TMEM64: variants seen among roughly 807,000 people sequenced by gnomAD.
TMEM64 encodes the protein transmembrane protein 64.
A neutral mutation model predicts 24.5 loss-of-function variants in TMEM64; 19 were observed. The ratio of observed to expected loss-of-function variants is 0.78; its 90% CI spans 0.54 to 1.14. The LOEUF (loss-of-function observed/expected upper bound fraction) is 1.14. TMEM64 is among the 50% of genes most tolerant of loss of function. TMEM64 has a pLI of 0.00. For synonymous variants in TMEM64, 262 were observed against 224.7 expected (o/e 1.17, Z -1.49); for missense variants, 487 against 493.0 (o/e 0.99, Z 0.12).
chr8:90,630,082 T>C (rs898978518), intron 2 of TMEM64, among the ~76,000 whole-genome samples: 1 of 152,096 alleles, frequency 6.6e-6, no homozygotes, highest in African/African-American at 2.4e-5. Context: ...ATTTCATTAG[T>C]ATTATTTGCT....
In TMEM64 at chr8:90,645,732, T is replaced by TGCTGCC; in HGVS notation, c.168_173dup (p.Ala60_Ala61dup). On this transcript the variant is annotated inframe_insertion, in exon 1 of 3. Coordinates refer to ENST00000458549, the MANE Select transcript of TMEM64 (RefSeq NM_001008495.4). The surrounding 1 kb of genome is among the most constrained non-coding windows in gnomAD (Gnocchi z 4.2). The stretch of plus-strand genomic sequence containing the variant: ...CGAGCAGGGCGCCCGAGGCCGCCGC[T>TGCTGCC]GCTGCCGCCGCCGCGCTCGCCCCGC... The TGCTGCC allele has an allele frequency of 8.6e-7, 1 of 1,157,544 alleles. No homozygotes were observed. The allele number at this position is 1,157,544 out of a possible 1,614,324, so 71.7% of individuals were successfully genotyped here.
At chr8:90,637,425 C>A (rs1809541106) in intron 1 of TMEM64, among the ~76,000 whole-genome samples, 1 of 152,066 alleles carries the variant, frequency 6.6e-6, no homozygotes, top group Non-Finnish European at 1.5e-5. Context: ...ATAAAGGTGA[C>A]CAGTATTCAG....
At chr8:90,640,950 G>A (rs369808941) in intron 1 of TMEM64, among the ~76,000 whole-genome samples, 199 of 152,248 alleles carry the variant, frequency 1.3e-3, no homozygotes, top group African/African-American at 4.7e-3. Flanking sequence ...GTGAGCCAGG[G>A]TGATGGGTAA....
At chr8:90,634,407 C>T (rs771616340) in intron 1 of TMEM64, among the ~76,000 whole-genome samples, 4 of 152,118 alleles carry the variant, frequency 2.6e-5, no homozygotes, top group South Asian at 2.1e-4. Context: ...CCAGTTAATA[C>T]GTGGCAAGGA....
At chr8:90,631,772 T>C in intron 1 of TMEM64, 65 bp from the exon 2 acceptor site, 1 of 1,435,920 alleles carries the variant, frequency 7.0e-7, no homozygotes, top group South Asian at 1.3e-5. Flanking sequence ...CATAAAAAAA[T>C]GTGTGTATTA....
intron 1 of TMEM64, among the ~76,000 whole-genome samples, chr8:90,640,420 A>C (rs939612101): frequency 6.6e-6 from 1 of 152,226 alleles, no homozygotes; most frequent in Non-Finnish European, 1.5e-5. Context: ...AAACTGTTAA[A>C]AAATAAAAGG....
In TMEM64 at chr8:90,623,354, G is replaced by C. The variant is rs1223613426; in HGVS notation, c.*2317C>G. ...AAATCTGGGATGCAGGATTAAAAAT[G>C]GAGTAAATAAGGCATGACAATGCTT... On this transcript the variant is annotated 3_prime_UTR_variant, in exon 3 of 3. Transcript: ENST00000458549. The C allele has an allele frequency of 6.6e-6, 1 of 152,124 alleles. No individual in the cohort carries two copies. Among genetic ancestry groups the C allele is most frequent in the Non-Finnish European group, 1.5e-5 (1 of 67,964 alleles). The allele number at this position is 152,124 out of a possible 1,614,324, so 9.4% of individuals were successfully genotyped here. A position where few individuals can be genotyped will look rare whatever the true frequency, so the allele number is the denominator to read the frequency against.
chr8:90,630,936 T>C (rs2130498739), intron 2 of TMEM64, among the ~76,000 whole-genome samples: 1 of 152,356 alleles, frequency 6.6e-6, no homozygotes, highest in East Asian at 1.9e-4. Flanking sequence ...AGTGTTTTTC[T>C]CTTTCATCAA....
rs1482029301 is a variant in TMEM64, at chr8:90,645,629, C to T, written c.277G>A (p.Gly93Arg). The change falls in exon 1 of 3, where the codon GGG becomes AGG. Residue 93 changes from glycine (G) to arginine (R), a missense_variant. By Grantham distance (125) the Gly-to-Arg change is moderately radical. Coordinates refer to ENST00000458549, the MANE Select transcript of TMEM64 (RefSeq NM_001008495.4). This position sits in a 1 kb window ranked among gnomAD's most constrained non-coding sequence, Gnocchi z 4.2. ...ACCACCACGCCGCCGCCGCCACTCC[C>T]GGGGCCGCCCGCCAAGGCCCCGCCC... ...EPGGALAGGP[G>R]SGGGGVVVGV... The T allele has an allele frequency of 6.5e-7, 1 of 1,534,108 alleles. No homozygotes were observed. Among genetic ancestry groups the T allele is most frequent in the East Asian group, 2.5e-5 (1 of 40,796 alleles).
In TMEM64 at chr8:90,631,619, G is replaced by A; in HGVS notation, c.884C>T (p.Thr295Ile). The A allele has an allele frequency of 6.2e-7, 1 of 1,613,774 alleles. No homozygotes were observed. ...AATGACATCTTCCATTGTCCGCAGG[G>A]TGGTACCCAAGTAAGAATTCAGAAG... Reference protein sequence around the residue: ...TQLLNSYLGTTLRTMEDVIAE... With the variant: ...TQLLNSYLGTILRTMEDVIAE... The change falls in exon 2 of 3, where the codon ACC becomes ATC. Residue 295 changes from threonine to isoleucine, a missense_variant. By Grantham distance (89) the Thr-to-Ile change is moderately conservative. Around this residue, in one of 3 missense-constraint regions of TMEM64, gnomAD observed 419 missense variants for 407.5 expected, o/e 1.03. Coordinates refer to ENST00000458549, the MANE Select transcript of TMEM64 (RefSeq NM_001008495.4).
intron 1 of TMEM64, among the ~76,000 whole-genome samples, chr8:90,640,982 C>G (rs1397438262): frequency 6.6e-6 from 1 of 152,186 alleles, no homozygotes; most frequent in Non-Finnish European, 1.5e-5. Context: ...TTAAAATTTA[C>G]TCATTTCTAT....
chr8:90,643,980 T>A (rs4339599), intron 1 of TMEM64, among the ~76,000 whole-genome samples: 26,116 of 152,226 alleles, frequency 0.17, 4,762 homozygotes, highest in African/African-American at 0.46. Flanking sequence ...GATTGGTTAG[T>A]ATTATTCCTA....
intron 1 of TMEM64, among the ~76,000 whole-genome samples, chr8:90,637,195 C>G (rs1269118768): frequency 6.6e-6 from 1 of 152,180 alleles, no homozygotes; most frequent in African/African-American, 2.4e-5. Context: ...ATTTCTGGAG[C>G]TGACAACAGA....
In TMEM64 at chr8:90,625,825, T is replaced by C. The variant is rs778994758; in HGVS notation, c.989A>G (p.His330Arg). 2 of 1,613,648 alleles carry C rather than the reference T, an allele frequency of 1.2e-6. No homozygotes were observed. The highest frequency in any genetic ancestry group is 2.2e-5 in the South Asian group (2 of 91,056). The change falls in exon 3 of 3, where the codon CAT becomes CGT. Residue 330 changes from histidine (H) to arginine (R), a missense_variant. His to Arg is a conservative substitution (Grantham distance 29, BLOSUM62 0). Coordinates refer to ENST00000458549, the MANE Select transcript of TMEM64 (RefSeq NM_001008495.4). ...TGCATTCAATTCCACTTGAGCTCGATGAACTACATAAAACATGAGGCCTAT... is the reference window on the plus strand; with the variant it reads ...TGCATTCAATTCCACTTGAGCTCGACGAACTACATAAAACATGAGGCCTAT... The part of the protein sequence containing the change: ...ISIGLMFYVV[H>R]RAQVELNAAI...
intron 1 of TMEM64, among the ~76,000 whole-genome samples, chr8:90,634,435 A>C (rs1004600249): frequency 2.9e-4 from 44 of 152,224 alleles, no homozygotes; most frequent in Non-Finnish European, 4.4e-5. Flanking sequence ...ATTCTATTCA[A>C]ACTCCTTCTT....
At position 90,624,648 on chromosome 8, in the gene TMEM64, T is replaced by C. The variant is rs1809327920; in HGVS notation, c.*1023A>G. The C allele has an allele frequency of 6.6e-6, 1 of 152,372 alleles. No individual in the cohort carries two copies. The highest frequency in any genetic ancestry group is 2.1e-4 in the South Asian group (1 of 4,824). The allele number at this position is 152,372 out of a possible 1,614,324, so 9.4% of individuals were successfully genotyped here. On this transcript the variant is annotated 3_prime_UTR_variant, in exon 3 of 3. Transcript: ENST00000458549. Reference sequence around the variant, plus strand: ...TAGGGCAAATAACAAAATTTGGGCATATTTATAGTTTTAAAGCTGAAGACT... The same window carrying C: ...TAGGGCAAATAACAAAATTTGGGCACATTTATAGTTTTAAAGCTGAAGACT...
At chr8:90,628,847 A>G (rs896430161) in intron 2 of TMEM64, among the ~76,000 whole-genome samples, 1 of 152,212 alleles carries the variant, frequency 6.6e-6, no homozygotes, top group Non-Finnish European at 1.5e-5. Flanking sequence ...GATACTCAAC[A>G]GGTAAGCACA....
chr8:90,629,907 A>G (rs1259327623), intron 2 of TMEM64, among the ~76,000 whole-genome samples: 1 of 152,180 alleles, frequency 6.6e-6, no homozygotes, highest in Non-Finnish European at 1.5e-5. Flanking sequence ...ATAAGCGCAA[A>G]GAAAATTAAC....
At chr8:90,628,014 C>A (rs1214501556) in intron 2 of TMEM64, among the ~76,000 whole-genome samples, 1 of 152,178 alleles carries the variant, frequency 6.6e-6, no homozygotes, top group African/African-American at 2.4e-5. Context: ...ATGGTTACAT[C>A]TTTAAGTGGG....
Sources: allele counts gnomAD v4.1 joint callset (sites outside exome capture counted in the v4.1 genomes callset), GRCh38; gene constraint gnomAD v4.1.1; regional missense constraint gnomAD v4.1.1; non-coding constraint Gnocchi (gnomAD v3.1); transcripts MANE v1.5; gene names NCBI Gene and HGNC (gene_info 2026-07-23, HGNC 2026-07-21).